CHCHD3: variants seen among roughly 807,000 people sequenced by gnomAD.
The protein encoded by CHCHD3 is MICOS complex subunit MIC19.
In CHCHD3, 20 loss-of-function variants were observed where a neutral mutation model predicts 38.2. The ratio of observed to expected loss-of-function variants is 0.52; its 90% CI spans 0.37 to 0.76. The LOEUF (loss-of-function observed/expected upper bound fraction) is 0.76. Ranked by LOEUF, CHCHD3 falls within the 30% of genes least tolerant of loss-of-function variation. The pLI is 0.00. For missense variants in CHCHD3, 245 were observed against 279.2 expected (o/e 0.88, Z 0.87); for synonymous variants, 82 against 100.0 (o/e 0.82, Z 1.07).
chr7:132,932,000 C>A (rs1043326189), intron 4 of CHCHD3, among the ~76,000 whole-genome samples: 1 of 152,158 alleles, frequency 6.6e-6, no homozygotes, highest in Non-Finnish European at 1.5e-5. Flanking sequence ...CCCAAGGGAC[C>A]TTCAGGTAAC....
chr7:132,796,298 C>T (rs1806610516), intron 7 of CHCHD3, 144 bp downstream of exon 7: 3 of 828,490 alleles, frequency 3.6e-6, no homozygotes, highest in East Asian at 2.5e-5. Flanking sequence ...CCCTAATCAA[C>T]TCATTACAGT....
chr7:132,836,431 C>T (rs1807784811), intron 6 of CHCHD3, among the ~76,000 whole-genome samples: 1 of 151,302 alleles, frequency 6.6e-6, no homozygotes, highest in African/African-American at 2.4e-5. Context: ...CATGTCTAAA[C>T]TTTCAACAAC....
chr7:132,931,836 C>T (rs1244810904), intron 4 of CHCHD3, among the ~76,000 whole-genome samples: 1 of 152,130 alleles, frequency 6.6e-6, no homozygotes, highest in Non-Finnish European at 1.5e-5. Flanking sequence ...TACCCCGACA[C>T]ACACATTTAA....
chr7:133,072,637 A>G (rs1814857891), intron 1 of CHCHD3, among the ~76,000 whole-genome samples: 1 of 152,092 alleles, frequency 6.6e-6, no homozygotes, highest in Non-Finnish European at 1.5e-5. Context: ...CAGGAGATCG[A>G]GACCATCCTG....
intron 3 of CHCHD3, among the ~76,000 whole-genome samples, chr7:133,008,970 C>CAAAAAAAAAAAAAAACA (rs34312085): frequency 7.8e-6 from 1 of 127,974 alleles, no homozygotes; most frequent in African/African-American, 2.8e-5. Flanking sequence ...CAAAAAAGAC[C>CAAAAAAAAAAAAAAACA]AAAAAAAAAA....
intron 3 of CHCHD3, among the ~76,000 whole-genome samples, chr7:132,975,795 G>A (rs1443629177): frequency 6.6e-6 from 1 of 152,116 alleles, no homozygotes; most frequent in Admixed American, 6.5e-5. Context: ...GCTGGGCGTG[G>A]TGATACATTC....
rs1234351482 is a variant in CHCHD3 at position 132,914,121 on chromosome 7, G to GGTGTGTGTGT, written c.370-28377_370-28376insACACACACAC. On this transcript the variant is annotated intron_variant, in intron 4 of 7. Coordinates refer to ENST00000262570, the MANE Select transcript of CHCHD3 (RefSeq NM_017812.4). ...ATTACAGATGCCCACCACCATGCCTGGCGTGTGTGTGTGTGTGTGTGTGTG... is the reference window on the plus strand; with the variant it reads ...ATTACAGATGCCCACCACCATGCCTGGTGTGTGTGTGCGTGTGTGTGTGTGTGTGTGTGTG... 4.0e-3 allele frequency among the ~76,000 whole-genome samples: 452 copies of GGTGTGTGTGT among 113,998 alleles called. 2 individuals carry two copies. Among genetic ancestry groups the GGTGTGTGTGT allele is most frequent in the African/African-American group, 0.015 (428 of 28,290 alleles). The allele number at this position is 113,998 out of a possible 152,430, so 74.8% of individuals were successfully genotyped here. A position where few individuals can be genotyped will look rare whatever the true frequency, so the allele number is the denominator to read the frequency against.
In CHCHD3 at chr7:133,056,913, T is replaced by C. The variant is rs375568858; in HGVS notation, c.169+13229A>G. The stretch of plus-strand genomic sequence containing the variant: ...ACAACTATTAAATGGCAAAAGCCCT[T>C]TGAACACTAAATATACACCACATGA... On this transcript the variant is annotated intron_variant, in intron 2 of 7. Transcript: ENST00000262570. 3.3e-5 allele frequency among the ~76,000 whole-genome samples: 5 copies of C among 152,288 alleles called. No homozygotes were observed. In the East Asian group the frequency reaches 7.7e-4, roughly 24 times the overall value.
chr7:132,879,814 G>A (rs183853824), intron 5 of CHCHD3, among the ~76,000 whole-genome samples: 1 of 148,494 alleles, frequency 6.7e-6, no homozygotes, highest in African/African-American at 2.5e-5. Flanking sequence ...CAAAGTATGA[G>A]CAAGTGAATG....
chr7:133,035,332 G>A lies in CHCHD3; in HGVS notation c.170-10705C>T. 6.2e-7 allele frequency: 1 copy of A among 1,610,734 alleles called. No homozygotes were observed. The highest frequency in any genetic ancestry group is 1.1e-5 in the South Asian group (1 of 91,018). On this transcript the variant is annotated intron_variant, in intron 2 of 7. Transcript: ENST00000262570. The surrounding 1 kb of genome is among the most constrained non-coding windows in gnomAD (Gnocchi z 4.7). ...CCCAAGACAGCCCGGAACTGGGGCT[G>A]GTTAATGCAGGTGAGGAACCAGCGG...
intron 5 of CHCHD3, among the ~76,000 whole-genome samples, chr7:132,850,313 T>C (rs1292610064): frequency 1.3e-5 from 2 of 152,338 alleles, no homozygotes; most frequent in South Asian, 4.1e-4. Flanking sequence ...AAACTGCTTT[T>C]ATAATTACCC....
At chr7:133,030,033 C>G (rs1050835794) in intron 2 of CHCHD3, among the ~76,000 whole-genome samples, 5 of 151,270 alleles carry the variant, frequency 3.3e-5, no homozygotes, top group African/African-American at 1.2e-4. Context: ...AAAATCACAA[C>G]TTTTGGGTCA....
intron 1 of CHCHD3, among the ~76,000 whole-genome samples, chr7:133,081,426 A>T (rs1417556366): frequency 6.6e-6 from 1 of 152,136 alleles, no homozygotes; most frequent in African/African-American, 2.4e-5. Context: ...AATGACACAA[A>T]GCAAAGGCAA....
chr7:132,842,912 C>G (rs1158690778), intron 5 of CHCHD3, among the ~76,000 whole-genome samples: 1 of 152,150 alleles, frequency 6.6e-6, no homozygotes, highest in Non-Finnish European at 1.5e-5. Context: ...GCAGGAGATA[C>G]TTTGAGACTA....
At chr7:132,874,382 T>C (rs184402934) in intron 5 of CHCHD3, among the ~76,000 whole-genome samples, 38 of 152,322 alleles carry the variant, frequency 2.5e-4, no homozygotes, top group Admixed American at 1.8e-3. Flanking sequence ...CACAAAAGAA[T>C]AGCAAGTCCT....
intron 5 of CHCHD3, among the ~76,000 whole-genome samples, chr7:132,843,724 T>G (rs373319490): frequency 6.6e-6 from 1 of 152,358 alleles, no homozygotes; most frequent in African/African-American, 2.4e-5. Flanking sequence ...AGGTTGCACA[T>G]GCTGCTATCT....
chr7:132,962,256 G>A (rs938655857), intron 4 of CHCHD3, among the ~76,000 whole-genome samples: 2 of 152,020 alleles, frequency 1.3e-5, no homozygotes, highest in Non-Finnish European at 2.9e-5. Context: ...AAATAAATGT[G>A]ACTCTTGGAA....
At chr7:132,944,917 C>T (rs928218094) in intron 4 of CHCHD3, among the ~76,000 whole-genome samples, 5 of 151,900 alleles carry the variant, frequency 3.3e-5, no homozygotes, top group Non-Finnish European at 1.5e-5. Context: ...TCTTTGTTCT[C>T]GTTACTTATG....
chr7:132,884,961 G>C (rs1197362912), intron 5 of CHCHD3, among the ~76,000 whole-genome samples: 1 of 152,174 alleles, frequency 6.6e-6, no homozygotes, highest in African/African-American at 2.4e-5. Flanking sequence ...TCAGAAAGAA[G>C]ATATATCCTG....
Sources: allele counts gnomAD v4.1 joint callset (sites outside exome capture counted in the v4.1 genomes callset), GRCh38; gene constraint gnomAD v4.1.1; non-coding constraint Gnocchi (gnomAD v3.1); transcripts MANE v1.5; gene names NCBI Gene and HGNC (gene_info 2026-07-23, HGNC 2026-07-21).